Variants in AHCTF1 observed in about 807,000 individuals in gnomAD.
The protein encoded by AHCTF1 is AT-hook containing transcription factor 1.
A neutral mutation model predicts 248.4 loss-of-function variants in AHCTF1; 24 were observed. That is an observed-to-expected ratio of 0.10 (90% CI 0.07 to 0.14). AHCTF1 has a LOEUF of 0.14. Among genes scored for constraint, AHCTF1 ranks in the 10% least tolerant of loss-of-function variants. The pLI is 1.00. For missense variants in AHCTF1, 2,206 were observed against 2,636.2 expected (o/e 0.84, Z 3.57); for synonymous variants, 786 against 929.8 (o/e 0.85, Z 2.81).
At chr1:246,899,367 A>G (rs973556221) in intron 11 of AHCTF1, 84 bp downstream of exon 11, 32 of 1,154,738 alleles carry the variant, frequency 2.8e-5, no homozygotes, top group Non-Finnish European at 3.9e-5. Context: ...TGTCAATATC[A>G]CTAAGTAAAA....
chr1:246,866,899 A>C (rs1426048781), intron 26 of AHCTF1, among the ~76,000 whole-genome samples: 1 of 152,180 alleles, frequency 6.6e-6, no homozygotes, highest in Non-Finnish European at 1.5e-5. Flanking sequence ...AGAAAGCTTC[A>C]ATGAGCTACC....
intron 21 of AHCTF1, among the ~76,000 whole-genome samples, chr1:246,884,870 TCAAA>T (rs1260326905): frequency 6.6e-6 from 1 of 152,176 alleles, no homozygotes; most frequent in Non-Finnish European, 1.5e-5. Context: ...ATTCCAATAC[TCAAA>T]CAACCAATAT....
rs184991582 is a variant in AHCTF1, at chr1:246,895,602, G to A, written c.1714+233C>T. Among the ~76,000 whole-genome samples, 15 of 152,224 alleles carry A rather than the reference G, an allele frequency of 9.9e-5. No individual in the cohort carries two copies. The East Asian group carries it at 2.7e-3, about 27-fold the overall frequency. The stretch of plus-strand genomic sequence containing the variant: ...ATGGGGCAGAAAGAAGGTAGGTATG[G>A]CTGTAACGGCAGCATGAGGGATCCT... On this transcript the variant is annotated intron_variant, in intron 13 of 35. Coordinates refer to ENST00000648844, the MANE Select transcript of AHCTF1 (RefSeq NM_001323342.2).
chr1:246,892,605 G>A (rs2103143932), intron 14 of AHCTF1, among the ~76,000 whole-genome samples: 1 of 152,190 alleles, frequency 6.6e-6, no homozygotes, highest in South Asian at 2.1e-4. Flanking sequence ...ACAGGCATGA[G>A]CCACTGTGCC....
chr1:246,852,797 G>A (rs1660809352), intron 32 of AHCTF1, among the ~76,000 whole-genome samples: 2 of 151,432 alleles, frequency 1.3e-5, no homozygotes, highest in Non-Finnish European at 1.5e-5. Flanking sequence ...TTGTTATGTT[G>A]CCCAGGCTGG....
intron 3 of AHCTF1, 48 bp downstream of exon 3, chr1:246,916,094 G>T: frequency 6.3e-7 from 1 of 1,577,706 alleles, no homozygotes; most frequent in Non-Finnish European, 8.6e-7. Flanking sequence ...AACCAGCAGG[G>T]GTTCAGTTTT....
intron 12 of AHCTF1, among the ~76,000 whole-genome samples, chr1:246,896,562 G>C (rs968601568): frequency 1.1e-4 from 17 of 152,196 alleles, no homozygotes; most frequent in Admixed American, 1.1e-3. Context: ...GATGGGGCAG[G>C]CAGGAAGGTA....
At chr1:246,868,824 C>T (rs1464754939) in intron 24 of AHCTF1, among the ~76,000 whole-genome samples, 1 of 147,606 alleles carries the variant, frequency 6.8e-6, no homozygotes, top group Non-Finnish European at 1.5e-5. Context: ...TTGTGCTTTG[C>T]TTCATTGTGT....
At position 246,912,136 on chromosome 1, in the gene AHCTF1, TGC is replaced by T. The variant is rs1447844419; in HGVS notation, c.556+1094_556+1095del. 5.9e-5 allele frequency among the ~76,000 whole-genome samples: 9 copies of T among 152,218 alleles called. No homozygotes were observed. The East Asian group carries it at 1.7e-3, about 29-fold the overall frequency. On this transcript the variant is annotated intron_variant, in intron 4 of 35. Coordinates refer to ENST00000648844, the MANE Select transcript of AHCTF1 (RefSeq NM_001323342.2). ...TGATAGTTTGTATCTATTTCTGAGC[TGC>T]TCCATAAATGAAAAGAGCTACACTG...
In AHCTF1 at chr1:246,916,195, G is replaced by A; in HGVS notation, c.322C>T (p.Leu108Phe). 6.2e-7 allele frequency: 1 copy of A among 1,611,372 alleles called. No homozygotes were observed. Among genetic ancestry groups the A allele is most frequent in the East Asian group, 2.2e-5 (1 of 44,854 alleles). Reference sequence around the variant, plus strand: ...ACTTTTGATATTCCAAGGTCATAAAGACAGAGAACACTCCCTTCTGTTTCT... The same window carrying A: ...ACTTTTGATATTCCAAGGTCATAAAAACAGAGAACACTCCCTTCTGTTTCT... ...LEETEGSVLC[L>F]YDLGISKVVK... The change falls in exon 3 of 36, where the codon CTT (leucine) becomes TTT (phenylalanine). Residue 108 changes from leucine to phenylalanine, a missense_variant. Leu to Phe is a conservative substitution (Grantham distance 22). Around this residue, in one of 6 missense-constraint regions of AHCTF1, gnomAD observed 34 missense variants for 97.2 expected, o/e 0.35. Transcript: ENST00000648844.
chr1:246,881,961 T>C (rs112432982), intron 21 of AHCTF1, among the ~76,000 whole-genome samples: 111 of 151,480 alleles, frequency 7.3e-4, no homozygotes, highest in African/African-American at 2.5e-3. Flanking sequence ...ATTACAGGCA[T>C]GAGCCACCGT....
At chr1:246,927,539 AAC>A (rs1421081844) in intron 1 of AHCTF1, among the ~76,000 whole-genome samples, 3 of 152,258 alleles carry the variant, frequency 2.0e-5, no homozygotes, top group Admixed American at 1.3e-4. Flanking sequence ...GGTATATGAA[AAC>A]ACAAACACAC....
chr1:246,907,417 T>C, intron 5 of AHCTF1, 134 bp downstream of exon 5: 1 of 750,362 alleles, frequency 1.3e-6, no homozygotes, highest in Admixed American at 3.1e-5. Context: ...AAATTAGTCA[T>C]CTCAATCATT....
At position 246,852,308 on chromosome 1, in the gene AHCTF1, C is replaced by T. The variant is rs189625267; in HGVS notation, c.4563+783G>A. 6.2e-4 allele frequency among the ~76,000 whole-genome samples: 95 copies of T among 152,248 alleles called. 1 individual carries two copies. The highest frequency in any genetic ancestry group is 1.5e-3 in the African/African-American group (62 of 41,532). ...TACTCATTAAGATGAGTATGGATAA[C>T]GATGACATTTTTATGAGTTAAGAAA... On this transcript the variant is annotated intron_variant, in intron 32 of 35. Coordinates refer to ENST00000648844, the MANE Select transcript of AHCTF1 (RefSeq NM_001323342.2).
At chr1:246,853,711 T>C (rs1384483152) in intron 31 of AHCTF1, among the ~76,000 whole-genome samples, 18 of 152,212 alleles carry the variant, frequency 1.2e-4, no homozygotes, top group Admixed American at 1.2e-3. Context: ...GAATCTCTTT[T>C]GGCAGAAAGC....
intron 21 of AHCTF1, among the ~76,000 whole-genome samples, chr1:246,879,618 A>C (rs1490960852): frequency 6.6e-6 from 1 of 152,122 alleles, no homozygotes; most frequent in African/African-American, 2.4e-5. Flanking sequence ...ATCTGAGGTC[A>C]GGAGTTTGAG....
intron 24 of AHCTF1, among the ~76,000 whole-genome samples, chr1:246,868,970 GAGT>G (rs1662291689): frequency 3.3e-5 from 5 of 150,848 alleles, no homozygotes; most frequent in Non-Finnish European, 4.4e-5. Flanking sequence ...TCAGCCTGCT[GAGT>G]AGCTGGGACT....
At chr1:246,905,785 A>G in intron 5 of AHCTF1, 128 bp from the exon 6 acceptor site, 1 of 673,834 alleles carries the variant, frequency 1.5e-6, no homozygotes, top group South Asian at 1.9e-5. Flanking sequence ...TCTGTGGGCC[A>G]TGGCCAAGTC....
Position 246,891,917 on chromosome 1 carries a change from C to T in AHCTF1, c.1807G>A (p.Val603Met). The T allele has an allele frequency of 1.3e-6, 2 of 1,589,656 alleles. No individual in the cohort carries two copies. Among genetic ancestry groups the T allele is most frequent in the East Asian group, 4.6e-5 (2 of 43,658 alleles). Reference sequence around the variant, plus strand: ...TGACACGAACCATCAAATAATGGCACACCTTTCAAGAATAAAAGAAAAGAT... The same window carrying T: ...TGACACGAACCATCAAATAATGGCATACCTTTCAAGAATAAAAGAAAAGAT... ...LTKEEFDRLC[V>M]PLFDGSCHFM... Residue 603 changes from valine to methionine, a missense_variant and splice_region_variant, in exon 15 of 36, where the codon GTG becomes ATG. By Grantham distance (21) the Val-to-Met change is conservative. Around this residue, in one of 6 missense-constraint regions of AHCTF1, gnomAD observed 650 missense variants for 870.8 expected, o/e 0.75. Transcript: ENST00000648844.
Sources: allele counts gnomAD v4.1 joint callset (sites outside exome capture counted in the v4.1 genomes callset), GRCh38; gene constraint gnomAD v4.1.1; regional missense constraint gnomAD v4.1.1; transcripts MANE v1.5; gene names NCBI Gene and HGNC (gene_info 2026-07-23, HGNC 2026-07-21).